SAMMSON: variants seen among roughly 807,000 people sequenced by gnomAD.
SAMMSON encodes the protein long intergenic non-protein coding RNA 1212.
At chr3:70,430,179 G>A (rs140306283) in intron 2 of SAMMSON, among the ~76,000 whole-genome samples, 69 of 152,160 alleles carry the variant, frequency 4.5e-4, no homozygotes, top group African/African-American at 1.4e-3. Context: ...AGCATGAAGC[G>A]GTGTTGAATT....
intron 6 of SAMMSON, among the ~76,000 whole-genome samples, chr3:70,256,454 G>A (rs1701817031): frequency 6.6e-6 from 1 of 152,190 alleles, no homozygotes; most frequent in Non-Finnish European, 1.5e-5. Flanking sequence ...TCTAATTTAA[G>A]GAGGTATATT....
At chr3:70,395,165 G>GC (rs1701081226) in intron 2 of SAMMSON, among the ~76,000 whole-genome samples, 1 of 151,946 alleles carries the variant, frequency 6.6e-6, no homozygotes, top group African/African-American at 2.4e-5. Context: ...GGAATGAGAC[G>GC]CCCTGGTCCC....
At chr3:70,414,291 T>C (rs1701244914) in intron 2 of SAMMSON, among the ~76,000 whole-genome samples, 1 of 152,170 alleles carries the variant, frequency 6.6e-6, no homozygotes, top group Non-Finnish European at 1.5e-5. Flanking sequence ...CATTTCTTAC[T>C]ATATTCATAA....
chr3:70,377,367 G>A (rs1306496246), intron 9 of SAMMSON, among the ~76,000 whole-genome samples: 4 of 152,102 alleles, frequency 2.6e-5, no homozygotes, highest in Non-Finnish European at 5.9e-5. Context: ...AAGATGTAAT[G>A]AAGATGGTAC....
chr3:70,148,289 A>T (rs1016221612), intron 4 of SAMMSON, among the ~76,000 whole-genome samples: 2 of 152,132 alleles, frequency 1.3e-5, no homozygotes, highest in African/African-American at 4.8e-5. Flanking sequence ...TATTTACCTT[A>T]GAGGAATAAA....
intron 7 of SAMMSON, among the ~76,000 whole-genome samples, chr3:70,324,211 T>A (rs572702093): frequency 1.1e-4 from 16 of 150,452 alleles, no homozygotes; most frequent in African/African-American, 3.7e-4. Flanking sequence ...TCTATCTATC[T>A]ATCCACACAC....
chr3:70,051,343 A>G (rs1487324539), intron 3 of SAMMSON, among the ~76,000 whole-genome samples: 1 of 150,030 alleles, frequency 6.7e-6, no homozygotes, highest in Non-Finnish European at 1.5e-5. Context: ...ATAAGGATTT[A>G]ACAGGGAAGA....
chr3:70,385,369 G>T (rs1703112082), intron 9 of SAMMSON, among the ~76,000 whole-genome samples: 1 of 152,050 alleles, frequency 6.6e-6, no homozygotes, highest in Non-Finnish European at 1.5e-5. Flanking sequence ...GGCCAAAATT[G>T]GGCACAGCTA....
chr3:70,325,364 C>A (rs566327761), intron 7 of SAMMSON, among the ~76,000 whole-genome samples: 1 of 152,196 alleles, frequency 6.6e-6, no homozygotes, highest in African/African-American at 2.4e-5. Context: ...AGTCACCTCA[C>A]CCATGCGGGC....
At chr3:70,065,082 G>A (rs1304292385) in intron 3 of SAMMSON, among the ~76,000 whole-genome samples, 1 of 152,066 alleles carries the variant, frequency 6.6e-6, no homozygotes, top group African/African-American at 2.4e-5. Context: ...AGTTGGTGCT[G>A]ATCAGCCATC....
At chr3:70,421,933 C>G (rs947306482) in intron 2 of SAMMSON, among the ~76,000 whole-genome samples, 2 of 151,828 alleles carry the variant, frequency 1.3e-5, no homozygotes, top group Admixed American at 6.6e-5. Context: ...GTATTTTATA[C>G]CAGTGAAAAT....
At chr3:70,193,573 C>T (rs1393051449) in intron 4 of SAMMSON, among the ~76,000 whole-genome samples, 1 of 152,112 alleles carries the variant, frequency 6.6e-6, no homozygotes, top group African/African-American at 2.4e-5. Context: ...ATTCACTTTG[C>T]CTTTCTACAC....
intron 2 of SAMMSON, among the ~76,000 whole-genome samples, chr3:70,432,477 CTTAA>C (rs772279300): frequency 3.3e-5 from 5 of 151,754 alleles, no homozygotes; most frequent in South Asian, 2.1e-4. Context: ...TAAGCTATCT[CTTAA>C]TTAATAAACT....
chr3:70,052,531 G>C (rs1576109469), intron 3 of SAMMSON, among the ~76,000 whole-genome samples: 1 of 152,226 alleles, frequency 6.6e-6, no homozygotes, highest in Admixed American at 6.5e-5. Flanking sequence ...TACTAAAATA[G>C]TAGCAAAAAT....
intron 7 of SAMMSON, among the ~76,000 whole-genome samples, chr3:70,324,166 T>A (rs1272915551): frequency 1.9e-5 from 2 of 103,074 alleles, no homozygotes; most frequent in African/African-American, 7.0e-5. Flanking sequence ...TATCTATCTA[T>A]CTATCTATCT....
chr3:70,324,159 C>T (rs1559563907), intron 7 of SAMMSON, among the ~76,000 whole-genome samples: 3 of 133,504 alleles, frequency 2.2e-5, no homozygotes, highest in African/African-American at 8.2e-5. Context: ...ATCTCTCTAT[C>T]TATCTATCTA....
intron 1 of SAMMSON, among the ~76,000 whole-genome samples, chr3:70,008,649 G>A (rs186140589): frequency 2.0e-5 from 3 of 152,034 alleles, no homozygotes; most frequent in Admixed American, 6.6e-5. Flanking sequence ...CTTCCTGATT[G>A]CCCTGGCCAG....
chr3:70,390,236 T>TA (rs564653252), downstream of SAMMSON, among the ~76,000 whole-genome samples: 133 of 152,288 alleles, frequency 8.7e-4, 2 homozygotes, highest in African/African-American at 3.1e-3. Flanking sequence ...GTTGGCCTGG[T>TA]AAAATTTTTT....
chr3:70,151,535 A>T (rs952140061), intron 4 of SAMMSON, among the ~76,000 whole-genome samples: 1 of 152,048 alleles, frequency 6.6e-6, no homozygotes, highest in African/African-American at 2.4e-5. Flanking sequence ...GTCTCTAAGA[A>T]CATCATCCTC....
Sources: gnomAD v4.1 joint callset for allele counts (sites outside exome capture counted in the v4.1 genomes callset) on GRCh38, gnomAD v4.1.1 for gene constraint, MANE v1.5 for transcripts, NCBI Gene and HGNC (gene_info 2026-07-23, HGNC 2026-07-21) for gene names.